The following LAMA2 variants were observed in gnomAD, a reference collection of about 807,000 sequenced individuals.
LAMA2 encodes the protein laminin subunit alpha 2, also known as laminin subunit alpha-2.
A neutral mutation model predicts 364.8 loss-of-function variants in LAMA2; 269 were observed. The observed-to-expected ratio is 0.74, with a 90% CI of 0.67 to 0.82. The LOEUF is 0.82. Among genes scored for constraint, LAMA2 ranks in the 40% least tolerant of loss-of-function variants. The pLI, the probability that LAMA2 is intolerant of heterozygous loss-of-function variation, is 0.00. For missense variants in LAMA2, 3,807 were observed against 3,873.2 expected (o/e 0.98, Z 0.45); for synonymous variants, 1,379 against 1,370.6 (o/e 1.01, Z -0.14).
At chr6:129,404,665 C>A (rs1469198392) in intron 40 of LAMA2, among the ~76,000 whole-genome samples, 2 of 152,006 alleles carry the variant, frequency 1.3e-5, no homozygotes, top group African/African-American at 2.4e-5. Flanking sequence ...AGGAATCATC[C>A]TGAATAAAAT....
intron 1 of LAMA2, among the ~76,000 whole-genome samples, chr6:128,998,101 G>A (rs947267571): frequency 4.6e-5 from 7 of 152,120 alleles, no homozygotes; most frequent in African/African-American, 1.7e-4. Flanking sequence ...GGTGCCTGAT[G>A]CGGAGAGGAG....
intron 12 of LAMA2, among the ~76,000 whole-genome samples, chr6:129,245,744 CTG>C (rs4053207): frequency 0.034 from 5,222 of 152,206 alleles, 103 homozygotes; most frequent in African/African-American, 0.062. Context: ...CACTAAAAAA[CTG>C]TTTTTTCTTT....
rs548674203 is a variant in LAMA2 at position 129,314,620 on chromosome 6, G to A, written c.3412-35G>A. On this transcript the variant is annotated intron_variant, in intron 23 of 64. Coordinates refer to ENST00000421865, the MANE Select transcript of LAMA2 (RefSeq NM_000426.4). ...GGGTGATTTCTCCCCTAACTTTGCC[G>A]TTATAAACTCTGAGGGTCTCTTGTC... 92 of 1,610,086 alleles carry A rather than the reference G, an allele frequency of 5.7e-5. No homozygotes were observed. The South Asian group carries it at 7.6e-4, about 13-fold the overall frequency.
chr6:129,442,866 A>G (rs1031690433), intron 43 of LAMA2, 197 bp from the exon 44 acceptor site: 2 of 569,136 alleles, frequency 3.5e-6, no homozygotes, highest in Non-Finnish European at 6.2e-6. Flanking sequence ...TAAAATACAA[A>G]TAGTGGCCAC....
In LAMA2 at chr6:129,267,147, T is replaced by A; in HGVS notation, c.2250T>A (p.Phe750Leu). 1 of 1,613,448 alleles carries A rather than the reference T, an allele frequency of 6.2e-7. No homozygotes were observed. Among genetic ancestry groups the A allele is most frequent in the South Asian group, 1.1e-5 (1 of 91,076 alleles). The part of the protein sequence containing the change: ...PRHRRVNGTI[F>L]GGICEPCQCF... ...ACAGGCGAGTTAACGGCACTATTTT[T>A]GGTGGCATCTGTGAGCCATGTCAGT... is the stretch of plus-strand genomic sequence containing the variant. The change falls in exon 16 of 65, where the codon TTT (phenylalanine) becomes TTA (leucine). Residue 750 changes from phenylalanine (F) to leucine (L), a missense_variant. Coordinates refer to ENST00000421865, the MANE Select transcript of LAMA2 (RefSeq NM_000426.4).
At chr6:129,355,605 G>C (rs970597742) in intron 32 of LAMA2, among the ~76,000 whole-genome samples, 9 of 152,166 alleles carry the variant, frequency 5.9e-5, no homozygotes, top group Non-Finnish European at 7.4e-5. Flanking sequence ...AGGCCTGGGG[G>C]TGAGAGTAAG....
intron 41 of LAMA2, among the ~76,000 whole-genome samples, chr6:129,430,440 G>A (rs1226435945): frequency 1.3e-5 from 2 of 152,286 alleles, no homozygotes; most frequent in Admixed American, 6.5e-5. Context: ...TGAACTTGCC[G>A]GGAGCAATTT....
chr6:129,448,384 GA>G (rs1305736582), intron 45 of LAMA2, among the ~76,000 whole-genome samples: 1 of 152,172 alleles, frequency 6.6e-6, no homozygotes, highest in Non-Finnish European at 1.5e-5. Context: ...ATCAGTTTTG[GA>G]AATGGAATTA....
chr6:129,229,978 G>T (rs9385483), intron 12 of LAMA2, among the ~76,000 whole-genome samples: 20,225 of 152,102 alleles, frequency 0.13, 3,360 homozygotes, highest in African/African-American at 0.39. Flanking sequence ...GAAGTTCATT[G>T]GGTCAGGAAC....
At chr6:129,513,444 C>T (rs1411352975) in intron 63 of LAMA2, among the ~76,000 whole-genome samples, 4 of 152,144 alleles carry the variant, frequency 2.6e-5, no homozygotes, top group South Asian at 2.1e-4. Flanking sequence ...CTATCATGTG[C>T]GTTTCTCACC....
chr6:129,007,810 C>T (rs1407680777), intron 1 of LAMA2, among the ~76,000 whole-genome samples: 6 of 152,070 alleles, frequency 3.9e-5, no homozygotes, highest in South Asian at 2.1e-4. Context: ...TTCTGAAATA[C>T]AGGAACACAC....
intron 1 of LAMA2, among the ~76,000 whole-genome samples, chr6:129,036,142 T>G (rs1314094919): frequency 6.6e-6 from 1 of 151,916 alleles, no homozygotes; most frequent in Non-Finnish European, 1.5e-5. Flanking sequence ...CATTTGTCCA[T>G]GTCATTTATG....
At chr6:129,445,400 C>G (rs994995775) in intron 44 of LAMA2, among the ~76,000 whole-genome samples, 2 of 152,066 alleles carry the variant, frequency 1.3e-5, no homozygotes, top group African/African-American at 4.8e-5. Context: ...GAATTAAGTT[C>G]TTCATATTCT....
At chr6:129,469,319 G>A (rs1025754951) in intron 51 of LAMA2, among the ~76,000 whole-genome samples, 1 of 151,888 alleles carries the variant, frequency 6.6e-6, no homozygotes, top group Non-Finnish European at 1.5e-5. Context: ...AATAGTCTAG[G>A]CAGGAGGTAA....
chr6:129,114,231 G>T (rs992685777), intron 4 of LAMA2, among the ~76,000 whole-genome samples: 1 of 151,970 alleles, frequency 6.6e-6, no homozygotes, highest in Admixed American at 6.6e-5. Flanking sequence ...AAATAATTAG[G>T]TCAAGAGCAA....
chr6:129,295,037 C>T (rs1024169891), intron 20 of LAMA2, among the ~76,000 whole-genome samples: 5 of 152,072 alleles, frequency 3.3e-5, no homozygotes, highest in African/African-American at 9.7e-5. Context: ...GGTTTTGTCC[C>T]GAGACTATTT....
chr6:128,945,829 G>A (rs1349056116), intron 1 of LAMA2, among the ~76,000 whole-genome samples: 1 of 152,132 alleles, frequency 6.6e-6, no homozygotes, highest in Non-Finnish European at 1.5e-5. Flanking sequence ...CCCATGATTA[G>A]GTAACATTTT....
At chr6:129,307,089 G>A (rs1031820885) in intron 22 of LAMA2, among the ~76,000 whole-genome samples, 12 of 152,100 alleles carry the variant, frequency 7.9e-5, no homozygotes, top group South Asian at 2.1e-4. Flanking sequence ...TGAACTTTAT[G>A]CTGGCAAACA....
Position 129,505,181 on chromosome 6 carries a change from A to T in LAMA2, c.8548-19A>T. The T allele has an allele frequency of 6.2e-7, 1 of 1,609,804 alleles. No individual in the cohort carries two copies. Among genetic ancestry groups the T allele is most frequent in the East Asian group, 2.2e-5 (1 of 44,836 alleles). On this transcript the variant is annotated intron_variant, in intron 60 of 64. Transcript: ENST00000421865. ...AATTTGTTCAGGATTGGCATTAATG[A>T]CTCCTTTCTTTTTTGTAGATTAAGA...
Sources: allele counts gnomAD v4.1 joint callset (sites outside exome capture counted in the v4.1 genomes callset), GRCh38; gene constraint gnomAD v4.1.1; transcripts MANE v1.5; gene names NCBI Gene and HGNC (gene_info 2026-07-23, HGNC 2026-07-21).